The following RCOR3 variants were observed in gnomAD, a reference collection of about 807,000 sequenced individuals.
The protein encoded by RCOR3 is REST corepressor 3.
Under a neutral mutation model 64.1 loss-of-function variants are expected in RCOR3, and 13 were observed. That is an observed-to-expected ratio of 0.20 (90% CI 0.13 to 0.32). The LOEUF is 0.32. Among genes scored for constraint, RCOR3 ranks in the 10% least tolerant of loss-of-function variants. RCOR3 has a pLI of 1.00. For missense variants in RCOR3, 489 were observed against 701.2 expected, an observed-to-expected ratio of 0.70 and a Z score of 3.42; for synonymous variants, 215 against 239.0, an observed-to-expected ratio of 0.90 and a Z score of 0.93.
intron 2 of RCOR3, among the ~76,000 whole-genome samples, chr1:211,270,904 G>A (rs900671469): frequency 5.3e-5 from 8 of 149,772 alleles, no homozygotes; most frequent in Non-Finnish European, 8.9e-5. Context: ...CACCCAGGCT[G>A]GAGTGCAGTG....
intron 8 of RCOR3, among the ~76,000 whole-genome samples, chr1:211,292,584 GGTTTAC>G (rs1189561246): frequency 6.6e-6 from 1 of 152,054 alleles, no homozygotes; most frequent in Non-Finnish European, 1.5e-5. Context: ...TGCACTCATG[GGTTTAC>G]AAATCCTGTT....
At chr1:211,304,549 A>G (rs935688624) in intron 10 of RCOR3, among the ~76,000 whole-genome samples, 2 of 152,230 alleles carry the variant, frequency 1.3e-5, no homozygotes, top group Non-Finnish European at 2.9e-5. Flanking sequence ...TTTATCTGAT[A>G]AATGTCAGGA....
intron 8 of RCOR3, among the ~76,000 whole-genome samples, chr1:211,293,676 C>A (rs544700779): frequency 6.6e-6 from 1 of 152,276 alleles, no homozygotes; most frequent in Non-Finnish European, 1.5e-5. Context: ...CTTATCTCCC[C>A]ACTAGTCTAT....
At chr1:211,259,852 G>A in intron 1 of RCOR3, 126 bp downstream of exon 1, 2 of 1,080,116 alleles carry the variant, frequency 1.9e-6, no homozygotes, top group East Asian at 3.0e-5. Context: ...CGGTAGCCTC[G>A]AACTCCCGGT....
chr1:211,284,376 G>A (rs34251608), intron 7 of RCOR3, among the ~76,000 whole-genome samples: 17,704 of 151,542 alleles, frequency 0.12, 1,150 homozygotes, highest in South Asian at 0.2. Flanking sequence ...CACTGTGCCC[G>A]GCCAATTTTA....
intron 2 of RCOR3, 126 bp from the exon 3 acceptor site, chr1:211,271,106 C>T: frequency 1.6e-6 from 1 of 635,056 alleles, no homozygotes; most frequent in Non-Finnish European, 2.7e-6. Context: ...ATCCGCCTGC[C>T]TCGGCCTCCC....
chr1:211,312,040 C>T lies in RCOR3; in HGVS notation c.1076-680C>T, dbSNP rs572668840. Among the ~76,000 whole-genome samples the T allele has an allele frequency of 1.3e-5, 2 of 152,216 alleles. No homozygotes were observed. Among genetic ancestry groups the T allele is most frequent in the Admixed American group, 6.5e-5 (1 of 15,284 alleles). On this transcript the variant is annotated intron_variant, in intron 10 of 11. Transcript: ENST00000419091. The surrounding 1 kb of genome is among the most constrained non-coding windows in gnomAD (Gnocchi z 5.0). ...CCTTATTCTTTAAGCTATCATCTTT[C>T]ATCCATTCAGTCTTTAAAACTACTA... is the stretch of plus-strand genomic sequence containing the variant.
rs1696964529 is a variant in RCOR3, at chr1:211,276,461, AT to A, written c.516+44del. On this transcript the variant is annotated intron_variant, in intron 5 of 11. Transcript: ENST00000419091. The stretch of plus-strand genomic sequence containing the variant: ...TTACTGTGGTTCATATGTGAATGAT[AT>A]CTTAAGCTACTATTAAACACTTCCT... 3.3e-6 allele frequency: 5 copies of A among 1,511,418 alleles called. No individual in the cohort carries two copies. In the East Asian group the frequency reaches 9.1e-5, roughly 27 times the overall value. The allele number at this position is 1,511,418 out of a possible 1,614,324, so 93.6% of individuals were successfully genotyped here.
At chr1:211,268,198 G>A (rs1695525123) in intron 2 of RCOR3, among the ~76,000 whole-genome samples, 1 of 151,958 alleles carries the variant, frequency 6.6e-6, no homozygotes, top group South Asian at 2.1e-4. Flanking sequence ...TATAACATTA[G>A]ATTTTATGAA....
At chr1:211,282,162 A>AT (rs1478576853) in intron 7 of RCOR3, among the ~76,000 whole-genome samples, 2 of 152,272 alleles carry the variant, frequency 1.3e-5, no homozygotes, top group Admixed American at 1.3e-4. Context: ...TTATGATCTC[A>AT]TCTTACCAGA....
intron 10 of RCOR3, among the ~76,000 whole-genome samples, chr1:211,311,211 A>G (rs1275085178): frequency 6.6e-6 from 1 of 152,184 alleles, no homozygotes; most frequent in African/African-American, 2.4e-5. Flanking sequence ...AATCAACCTC[A>G]TGGGTTTAAA....
At chr1:211,293,446 C>T (rs759044908) in intron 8 of RCOR3, among the ~76,000 whole-genome samples, 11 of 152,288 alleles carry the variant, frequency 7.2e-5, no homozygotes, top group African/African-American at 2.6e-4. Flanking sequence ...TCTTCCTAAG[C>T]GTTATTCTGC....
At chr1:211,308,684 G>GTTTTTTTTTT (rs71585833) in intron 10 of RCOR3, among the ~76,000 whole-genome samples, 33 of 42,032 alleles carry the variant, frequency 7.9e-4, no homozygotes, top group East Asian at 1.3e-3. Flanking sequence ...TTTTTTTTTT[G>GTTTTTTTTTT]TTTTTTTTTT....
At position 211,304,857 on chromosome 1, in the gene RCOR3, A is replaced by G. The variant is rs115200521; in HGVS notation, c.1075+717A>G. On this transcript the variant is annotated intron_variant, in intron 10 of 11. Transcript: ENST00000419091. ...AAGTTGTATATTTTTATTCATTGTT[A>G]CAGATTTGTTTCCTCTTCATGATAA... 9.1e-3 allele frequency among the ~76,000 whole-genome samples: 1,379 copies of G among 152,256 alleles called. 15 individuals are homozygous for G. Among genetic ancestry groups the G allele is most frequent in the African/African-American group, 0.031 (1,308 of 41,532 alleles).
At chr1:211,308,673 G>GTTTTTTTTTTTTTTTTTT (rs545513442) in intron 10 of RCOR3, among the ~76,000 whole-genome samples, 12 of 40,474 alleles carry the variant, frequency 3.0e-4, no homozygotes, top group South Asian at 1.1e-3. Context: ...TTTTTTTTTT[G>GTTTTTTTTTTTTTTTTTT]TTTTTTTTTT....
intron 9 of RCOR3, among the ~76,000 whole-genome samples, chr1:211,297,039 G>T (rs1285737427): frequency 1.3e-5 from 2 of 151,896 alleles, no homozygotes; most frequent in African/African-American, 4.8e-5. Context: ...TATCAAAATT[G>T]CCTGAAAAAG....
At position 211,260,395 on chromosome 1, in the gene RCOR3, G is replaced by T. The variant is rs4951734; in HGVS notation, c.223+231G>T. ...CCTTCGGAGGCCACTTGCCCGCTGG[G>T]GGCATCGCCTTCCTAGCCCTTGAGC... On this transcript the variant is annotated intron_variant, in intron 2 of 11. Transcript: ENST00000419091. Among the ~76,000 whole-genome samples the T allele has an allele frequency of 0.96, 145,712 of 152,334 alleles. 69,755 individuals carry two copies. The highest frequency in any genetic ancestry group is 1 in the East Asian group (5,160 of 5,174).
At chr1:211,303,894 C>G (rs909921615) in intron 9 of RCOR3, 189 bp from the exon 10 acceptor site, 7 of 423,490 alleles carry the variant, frequency 1.7e-5, no homozygotes, top group African/African-American at 1.2e-4. Flanking sequence ...ATTTCCCTTT[C>G]ATTATCTTTC....
chr1:211,283,726 C>T (rs1028261828), intron 7 of RCOR3, among the ~76,000 whole-genome samples: 1 of 151,924 alleles, frequency 6.6e-6, no homozygotes, highest in Non-Finnish European at 1.5e-5. Context: ...CCACTGCAGC[C>T]TCAAACTTCT....
Sources: allele counts gnomAD v4.1 joint callset (sites outside exome capture counted in the v4.1 genomes callset), GRCh38; gene constraint gnomAD v4.1.1; non-coding constraint Gnocchi (gnomAD v3.1); transcripts MANE v1.5; gene names NCBI Gene and HGNC (gene_info 2026-07-23, HGNC 2026-07-21).